Variants in NCKAP5 observed in about 807,000 individuals in gnomAD.
The protein encoded by NCKAP5 is NCK associated protein 5.
In NCKAP5, 92 loss-of-function variants were observed where a neutral mutation model predicts 167.0. The ratio of observed to expected loss-of-function variants is 0.55; its 90% confidence interval spans 0.47 to 0.66. The LOEUF (loss-of-function observed/expected upper bound fraction) is 0.66, where lower values mean the gene tolerates loss of function less well. Among genes scored for constraint, NCKAP5 ranks in the 30% least tolerant of loss-of-function variants. The pLI, the probability that NCKAP5 is intolerant of heterozygous loss-of-function variation, is 0.00. For synonymous variants in NCKAP5, 891 were observed against 877.4 expected, an observed-to-expected ratio of 1.02 and a Z score of -0.27; for missense variants, 2,378 against 2,315.0, an observed-to-expected ratio of 1.03 and a Z score of -0.56.
intron 19 of NCKAP5, among the ~76,000 whole-genome samples, chr2:132,678,913 G>GT (rs1167824467): frequency 1.3e-5 from 2 of 151,944 alleles, no homozygotes; most frequent in African/African-American, 2.4e-5. Context: ...TACATTAAAG[G>GT]TTTTTTTGAA....
At chr2:132,714,882 A>G (rs1382762147) in intron 19 of NCKAP5, 2 of 455,624 alleles carry the variant, frequency 4.4e-6, no homozygotes, top group Non-Finnish European at 8.8e-6. Context: ...GCTCCCAGTT[A>G]TGGGCATTTC....
At chr2:133,356,328 GC>G (rs765157848) in intron 3 of NCKAP5, among the ~76,000 whole-genome samples, 8 of 152,174 alleles carry the variant, frequency 5.3e-5, no homozygotes, top group Non-Finnish European at 7.4e-5. Context: ...GAAAAGCAAA[GC>G]AAAACATATT....
At chr2:132,937,741 C>T (rs564847871) in intron 8 of NCKAP5, among the ~76,000 whole-genome samples, 1 of 152,340 alleles carries the variant, frequency 6.6e-6, no homozygotes, top group East Asian at 1.9e-4. Context: ...CTGAATTATT[C>T]AACTGGTGTG....
At chr2:132,776,381 C>T (rs955957231) in intron 15 of NCKAP5, among the ~76,000 whole-genome samples, 2 of 152,178 alleles carry the variant, frequency 1.3e-5, no homozygotes, top group African/African-American at 2.4e-5. Context: ...AAAACAAAAG[C>T]GACTGCACAG....
intron 16 of NCKAP5, among the ~76,000 whole-genome samples, chr2:132,734,111 G>A (rs1428263584): frequency 1.3e-5 from 2 of 152,108 alleles, no homozygotes; most frequent in African/African-American, 2.4e-5. Flanking sequence ...CCCCCACCTG[G>A]CCAGCTTTAT....
intron 3 of NCKAP5, among the ~76,000 whole-genome samples, chr2:133,378,879 C>T (rs1462417193): frequency 1.3e-5 from 2 of 152,110 alleles, no homozygotes; most frequent in African/African-American, 2.4e-5. Flanking sequence ...GATTGTGGAG[C>T]GGTGACTTGT....
chr2:133,520,350 A>C (rs1684371169), intron 2 of NCKAP5, among the ~76,000 whole-genome samples: 2 of 152,206 alleles, frequency 1.3e-5, no homozygotes, highest in South Asian at 4.1e-4. Flanking sequence ...CTAAACACAA[A>C]GGTTAATCTT....
Position 133,180,319 on chromosome 2 carries a change from C to T in NCKAP5, c.207+33397G>A, listed in dbSNP as rs556400401. 4.0e-5 allele frequency among the ~76,000 whole-genome samples: 6 copies of T among 150,936 alleles called. No individual in the cohort carries two copies. The South Asian group carries it at 1.0e-3, about 26-fold the overall frequency. ...CTTATCCTAAAAGAATGATTAAAGA[C>T]GTTTTTTTTTCCTTTTCTTTTCTTT... On this transcript the variant is annotated intron_variant, in intron 5 of 19. Coordinates refer to ENST00000409261, the MANE Select transcript of NCKAP5 (RefSeq NM_207363.3).
chr2:132,760,603 AT>A (rs1558732960), intron 16 of NCKAP5, among the ~76,000 whole-genome samples: 1 of 152,066 alleles, frequency 6.6e-6, no homozygotes, highest in Non-Finnish European at 1.5e-5. Flanking sequence ...CTAATGAGTC[AT>A]TTTTTCCCCC....
Position 132,782,604 on chromosome 2 carries a change from C to T in NCKAP5, c.4207G>A (p.Val1403Ile), listed in dbSNP as rs1683138124. 3 of 1,590,882 alleles carry T rather than the reference C, an allele frequency of 1.9e-6. No homozygotes were observed. Among genetic ancestry groups the T allele is most frequent in the Middle Eastern group, 1.7e-4 (1 of 5,928 alleles). The change falls in exon 14 of 20, where the codon GTA becomes ATA. Residue 1403 changes from valine (V) to isoleucine (I), a missense_variant. Val to Ile is a conservative substitution (Grantham distance 29). Coordinates refer to ENST00000409261, the MANE Select transcript of NCKAP5 (RefSeq NM_207363.3). ...QGECPSANVA[V>I]LGEPGSDRRS... ...CGGTCACTGCCTGGTTCCCCAAGTA[C>T]AGCCACATTGGCACTGGGGCACTCT...
rs1574698428 is a variant in NCKAP5 at position 133,322,474 on chromosome 2, T to C, written c.70-19364A>G. On this transcript the variant is annotated intron_variant, in intron 3 of 19. Coordinates refer to ENST00000409261, the MANE Select transcript of NCKAP5 (RefSeq NM_207363.3). ...CTCCATTACAAAGTTTGCTTAATTA[T>C]CTTTTACAACATACCAGTAAAACAG... Among the ~76,000 whole-genome samples the C allele has an allele frequency of 3.3e-5, 5 of 152,248 alleles. No homozygotes were observed. In the East Asian group the frequency reaches 9.6e-4, roughly 29 times the overall value.
chr2:132,693,536 G>A (rs1295000788), intron 19 of NCKAP5, among the ~76,000 whole-genome samples: 1 of 151,532 alleles, frequency 6.6e-6, no homozygotes, highest in Non-Finnish European at 1.5e-5. Context: ...AGCTAGGAAT[G>A]CAAGCAGGGC....
intron 4 of NCKAP5, among the ~76,000 whole-genome samples, chr2:133,217,030 T>A (rs1286786134): frequency 1.3e-5 from 2 of 152,118 alleles, no homozygotes; most frequent in Non-Finnish European, 2.9e-5. Flanking sequence ...GATAGATTAT[T>A]CACCAACCGA....
chr2:133,260,164 T>C (rs745943866), intron 4 of NCKAP5, among the ~76,000 whole-genome samples: 1 of 152,214 alleles, frequency 6.6e-6, no homozygotes, highest in Non-Finnish European at 1.5e-5. Context: ...CAAGAACCAG[T>C]GACTTTCTGT....
chr2:133,130,655 A>G (rs988018731), intron 5 of NCKAP5, among the ~76,000 whole-genome samples: 2 of 152,170 alleles, frequency 1.3e-5, no homozygotes, highest in Admixed American at 1.3e-4. Context: ...CAAGCCACCC[A>G]CTGTTTTTAT....
intron 5 of NCKAP5, among the ~76,000 whole-genome samples, chr2:133,191,566 C>CA: frequency 6.6e-6 from 1 of 152,318 alleles, no homozygotes; most frequent in East Asian, 1.9e-4. Context: ...GGCACATATA[C>CA]ACCATGGAAT....
intron 6 of NCKAP5, among the ~76,000 whole-genome samples, chr2:133,109,659 GCTTTTTCAAATAAACC>G (rs1182215175): frequency 6.6e-6 from 1 of 151,564 alleles, no homozygotes; most frequent in Non-Finnish European, 1.5e-5. Context: ...TTTTTGAAAG[GCTTTTTCAAATAAACC>G]ATTCTTTTGA....
At chr2:132,691,331 G>C (rs1230412814) in intron 19 of NCKAP5, among the ~76,000 whole-genome samples, 1 of 151,926 alleles carries the variant, frequency 6.6e-6, no homozygotes, top group Non-Finnish European at 1.5e-5. Flanking sequence ...TCCTCAGATG[G>C]TTTCCCTTTG....
At chr2:133,283,612 ATT>A (rs34533937) in intron 4 of NCKAP5, among the ~76,000 whole-genome samples, 372 of 143,286 alleles carry the variant, frequency 2.6e-3, no homozygotes, top group African/African-American at 6.0e-3. Flanking sequence ...GCTGAAAAGG[ATT>A]TTTTTTTTTT....
Sources: allele counts gnomAD v4.1 joint callset (sites outside exome capture counted in the v4.1 genomes callset), GRCh38; gene constraint gnomAD v4.1.1; transcripts MANE v1.5; gene names NCBI Gene and HGNC (gene_info 2026-07-23, HGNC 2026-07-21).